LRFN2: variants seen among roughly 807,000 people sequenced by gnomAD.
LRFN2 encodes the protein leucine-rich repeat and fibronectin type-III domain-containing protein 2.
Under a neutral mutation model 37.3 loss-of-function variants are expected in LRFN2, and 18 were observed. That is an observed-to-expected ratio of 0.48 (90% CI 0.33 to 0.72). LRFN2 has a LOEUF of 0.72. LRFN2 is among the 30% of genes least tolerant of loss of function. The pLI is 0.02. For missense variants in LRFN2, 1,006 were observed against 1,060.7 expected (o/e 0.95, Z 0.72); for synonymous variants, 556 against 466.6 (o/e 1.19, Z -2.47).
At chr6:40,580,017 G>A (rs1042324936) in intron 1 of LRFN2, among the ~76,000 whole-genome samples, 1 of 152,214 alleles carries the variant, frequency 6.6e-6, no homozygotes, top group African/African-American at 2.4e-5. Context: ...CTAAAGGAAT[G>A]GCAGGCAGAA....
chr6:40,451,040 T>C (rs2916259), intron 1 of LRFN2, among the ~76,000 whole-genome samples: 142,100 of 152,092 alleles, frequency 0.93, 67,164 homozygotes, highest in Non-Finnish European at 1. Flanking sequence ...GCTTTGATAT[T>C]GTTGTTTCCT....
At chr6:40,444,223 A>G (rs1347810393) in intron 1 of LRFN2, among the ~76,000 whole-genome samples, 1 of 152,160 alleles carries the variant, frequency 6.6e-6, no homozygotes, top group Admixed American at 6.5e-5. Context: ...TCAATGAGTT[A>G]TTGGATAATT....
intron 1 of LRFN2, among the ~76,000 whole-genome samples, chr6:40,566,131 A>G (rs1166389062): frequency 1.3e-5 from 2 of 152,270 alleles, no homozygotes; most frequent in Admixed American, 1.3e-4. Flanking sequence ...AACACATGAA[A>G]AAATGCTCAT....
chr6:40,488,243 C>T (rs1199356024), intron 1 of LRFN2, among the ~76,000 whole-genome samples: 2 of 152,004 alleles, frequency 1.3e-5, no homozygotes, highest in African/African-American at 4.8e-5. Flanking sequence ...GTGGCTTGGC[C>T]CTGCCCAGAA....
chr6:40,451,482 A>G (rs1045304558), intron 1 of LRFN2, among the ~76,000 whole-genome samples: 1 of 152,200 alleles, frequency 6.6e-6, no homozygotes, highest in Admixed American at 6.5e-5. Flanking sequence ...AGGGGAAGGG[A>G]CGAGACAAGC....
intron 1 of LRFN2, among the ~76,000 whole-genome samples, chr6:40,510,172 G>A (rs531613128): frequency 6.6e-6 from 1 of 152,098 alleles, no homozygotes; most frequent in African/African-American, 2.4e-5. Context: ...AGGGGTGGGT[G>A]CATGCATGTG....
chr6:40,557,174 C>T (rs896061048), intron 1 of LRFN2, among the ~76,000 whole-genome samples: 1 of 152,172 alleles, frequency 6.6e-6, no homozygotes, highest in African/African-American at 2.4e-5. Flanking sequence ...TGCCTCCTCA[C>T]TCACCCGAGG....
At chr6:40,570,184 T>C (rs1418494198) in intron 1 of LRFN2, among the ~76,000 whole-genome samples, 1 of 152,158 alleles carries the variant, frequency 6.6e-6, no homozygotes, top group African/African-American at 2.4e-5. Flanking sequence ...AACCCTCAAC[T>C]ACTTCCTTGA....
chr6:40,422,364 C>T (rs1763248381), intron 2 of LRFN2, among the ~76,000 whole-genome samples: 1 of 152,170 alleles, frequency 6.6e-6, no homozygotes, highest in African/African-American at 2.4e-5. Context: ...GGGCATGATG[C>T]TGAATGCATG....
chr6:40,506,082 C>T (rs61564010), intron 1 of LRFN2, among the ~76,000 whole-genome samples: 12 of 152,238 alleles, frequency 7.9e-5, no homozygotes, highest in Non-Finnish European at 5.9e-5. Flanking sequence ...GAACTGTCAC[C>T]ATTTCTACAA....
At chr6:40,585,026 G>A (rs1433286211) in intron 1 of LRFN2, among the ~76,000 whole-genome samples, 5 of 152,036 alleles carry the variant, frequency 3.3e-5, no homozygotes, top group African/African-American at 4.8e-5. Flanking sequence ...AGACTCCCCA[G>A]CTTCTCACGT....
chr6:40,586,225 T>C (rs1767500806), intron 1 of LRFN2, among the ~76,000 whole-genome samples: 2 of 152,166 alleles, frequency 1.3e-5, no homozygotes, highest in South Asian at 4.1e-4. Context: ...CCCTCCTCCC[T>C]GCCCAGGCCA....
At chr6:40,445,772 C>G (rs954791099) in intron 1 of LRFN2, among the ~76,000 whole-genome samples, 1 of 152,184 alleles carries the variant, frequency 6.6e-6, no homozygotes, top group Admixed American at 6.5e-5. Flanking sequence ...AAGGAATCCC[C>G]TCAGCTTCAA....
At chr6:40,416,374 T>G (rs2113809751) in intron 2 of LRFN2, among the ~76,000 whole-genome samples, 1 of 150,080 alleles carries the variant, frequency 6.7e-6, no homozygotes, top group Admixed American at 6.6e-5. Context: ...TTCTGGCAAT[T>G]TATTCCTGCA....
At chr6:40,514,686 G>T (rs1190035566) in intron 1 of LRFN2, among the ~76,000 whole-genome samples, 2 of 152,170 alleles carry the variant, frequency 1.3e-5, no homozygotes, top group African/African-American at 4.8e-5. Flanking sequence ...GAGAAGGTCT[G>T]CAGTAAAAAT....
intron 1 of LRFN2, among the ~76,000 whole-genome samples, chr6:40,534,157 C>A (rs1375654325): frequency 1.3e-5 from 2 of 152,260 alleles, no homozygotes; most frequent in African/African-American, 4.8e-5. Flanking sequence ...TTCGAACATT[C>A]CAGGGGGCCA....
chr6:40,514,140 A>T (rs1765789390), intron 1 of LRFN2, among the ~76,000 whole-genome samples: 4 of 152,012 alleles, frequency 2.6e-5, no homozygotes, highest in Non-Finnish European at 4.4e-5. Context: ...CTCTGGAAAA[A>T]TCCTGAACAG....
chr6:40,439,839 G>A (rs1427476219), intron 1 of LRFN2, among the ~76,000 whole-genome samples: 1 of 152,174 alleles, frequency 6.6e-6, no homozygotes, highest in Non-Finnish European at 1.5e-5. Flanking sequence ...TCTGACAGGG[G>A]AGGCATAGCC....
chr6:40,474,909 T>G (rs550350146), intron 1 of LRFN2, among the ~76,000 whole-genome samples: 10 of 152,364 alleles, frequency 6.6e-5, no homozygotes, highest in African/African-American at 2.4e-4. Flanking sequence ...CCAGCTTCTG[T>G]TTCTTAAAAC....
Sources: gnomAD v4.1 joint callset for allele counts (sites outside exome capture counted in the v4.1 genomes callset) on GRCh38, gnomAD v4.1.1 for gene constraint, MANE v1.5 for transcripts, NCBI Gene and HGNC (gene_info 2026-07-23, HGNC 2026-07-21) for gene names.